The following CDH2 variants were observed in gnomAD, a reference collection of about 807,000 sequenced individuals.
CDH2 encodes the protein cadherin 2.
Under a neutral mutation model 92.0 loss-of-function variants are expected in CDH2, and 17 were observed. The observed-to-expected ratio is 0.18, with a 90% CI of 0.13 to 0.28. CDH2 has a LOEUF of 0.28. Among genes scored for constraint, CDH2 ranks in the 10% least tolerant of loss-of-function variants. The pLI is 1.00. For missense variants in CDH2, 862 were observed against 1,133.1 expected (o/e 0.76, Z 3.44); for synonymous variants, 419 against 415.9 (o/e 1.01, Z -0.09).
rs1664383685 is a variant in CDH2, at chr18:27,968,800, A to C, written c.2350-5279T>G. ...GACTGAGTGACTGAGAGAAATTAAA[A>C]TACTCACATGGAAGTAAATGGACAA... is the stretch of plus-strand genomic sequence containing the variant. On this transcript the variant is annotated intron_variant, in intron 14 of 15. Transcript: ENST00000269141. 2.0e-5 allele frequency among the ~76,000 whole-genome samples: 3 copies of C among 152,242 alleles called. No individual in the cohort carries two copies. In the South Asian group the frequency reaches 6.2e-4, roughly 31 times the overall value.
At chr18:28,056,357 G>T (rs1376403706) in intron 2 of CDH2, among the ~76,000 whole-genome samples, 1 of 152,198 alleles carries the variant, frequency 6.6e-6, no homozygotes, top group African/African-American at 2.4e-5. Context: ...AGGTTTTCTT[G>T]AAGTATTTAT....
intron 2 of CDH2, among the ~76,000 whole-genome samples, chr18:28,065,455 C>A (rs1567984736): frequency 6.6e-6 from 1 of 152,158 alleles, no homozygotes; most frequent in Non-Finnish European, 1.5e-5. Context: ...TCTATAGCAA[C>A]TGTAATAAAA....
chr18:27,966,052 A>AAAAAT lies in CDH2; in HGVS notation c.2350-2536_2350-2532dup, dbSNP rs1489398211. 2.6e-5 allele frequency among the ~76,000 whole-genome samples: 4 copies of AAAAAT among 151,952 alleles called. No individual in the cohort carries two copies. The South Asian group carries it at 8.3e-4, about 32-fold the overall frequency. On this transcript the variant is annotated intron_variant, in intron 14 of 15. Transcript: ENST00000269141. Reference sequence around the variant, plus strand: ...GAGAAATTTTAATGCTTTCACACTAAAAAATAAAATATGTTTTTTCCAGGC... The same window carrying AAAAAT: ...GAGAAATTTTAATGCTTTCACACTAAAAAATAAAATAAAATATGTTTTTTCCAGGC...
At chr18:28,035,831 G>A (rs977597688) in intron 2 of CDH2, among the ~76,000 whole-genome samples, 4 of 152,006 alleles carry the variant, frequency 2.6e-5, no homozygotes, top group East Asian at 1.9e-4. Context: ...CACTGTGAGC[G>A]AGTTGAAAAT....
intron 2 of CDH2, among the ~76,000 whole-genome samples, chr18:28,052,959 T>TG (rs1175951730): frequency 3.3e-5 from 5 of 152,154 alleles, no homozygotes; most frequent in East Asian, 1.9e-4. Context: ...TGAGGTCGTA[T>TG]GGGGGGGTCC....
intron 15 of CDH2, among the ~76,000 whole-genome samples, chr18:27,953,492 C>T (rs946020735): frequency 2.0e-5 from 3 of 152,140 alleles, no homozygotes; most frequent in Admixed American, 1.3e-4. Flanking sequence ...GCTTATATGG[C>T]CTCACCTATC....
intron 15 of CDH2, among the ~76,000 whole-genome samples, chr18:27,957,295 CTG>C (rs1190487857): frequency 1.3e-5 from 2 of 152,064 alleles, no homozygotes; most frequent in Admixed American, 1.3e-4. Context: ...GTACTCCAGA[CTG>C]TAGTGCAGTG....
intron 2 of CDH2, among the ~76,000 whole-genome samples, chr18:28,140,331 C>T (rs2015931771): frequency 6.6e-6 from 1 of 151,876 alleles, no homozygotes; most frequent in Admixed American, 6.6e-5. Context: ...AAATTAAAAA[C>T]ATTTGTGCAT....
intron 15 of CDH2, among the ~76,000 whole-genome samples, chr18:27,956,832 A>G (rs904867089): frequency 3.3e-5 from 5 of 152,206 alleles, no homozygotes; most frequent in Non-Finnish European, 5.9e-5. Context: ...ACAGTTTAAG[A>G]AAATAACAAG....
At chr18:28,094,963 T>C (rs1282221880) in intron 2 of CDH2, among the ~76,000 whole-genome samples, 1 of 152,180 alleles carries the variant, frequency 6.6e-6, no homozygotes, top group Non-Finnish European at 1.5e-5. Flanking sequence ...ATTTATAACA[T>C]GTTATATGAC....
chr18:28,141,893 T>C (rs1411370433), intron 2 of CDH2, among the ~76,000 whole-genome samples: 3 of 151,970 alleles, frequency 2.0e-5, no homozygotes, highest in Non-Finnish European at 2.9e-5. Context: ...TGTAAGGCCC[T>C]TGAACCATCA....
chr18:28,013,170 G>A lies in CDH2; in HGVS notation c.399+513C>T, dbSNP rs146851876. On this transcript the variant is annotated intron_variant, in intron 3 of 15. Transcript: ENST00000269141. ...AATGTACCTCATTTATTTTATCTTG[G>A]CTCACAGCAGCTTCCACCAGAGGGA... 3.6e-3 allele frequency among the ~76,000 whole-genome samples: 543 copies of A among 152,104 alleles called. 15 individuals carry two copies. Among genetic ancestry groups the A allele is most frequent in the African/African-American group, 0.012 (517 of 41,498 alleles).
intron 14 of CDH2, among the ~76,000 whole-genome samples, chr18:27,976,522 T>A (rs1340539465): frequency 1.3e-5 from 2 of 152,142 alleles, no homozygotes; most frequent in Non-Finnish European, 2.9e-5. Context: ...AACATGAGCT[T>A]TGTAAAGGAT....
At chr18:27,959,025 G>A (rs950843079) in intron 15 of CDH2, among the ~76,000 whole-genome samples, 1 of 152,036 alleles carries the variant, frequency 6.6e-6, no homozygotes, top group Non-Finnish European at 1.5e-5. Flanking sequence ...TTTCATAGCA[G>A]CGTGAAAACA....
chr18:28,082,476 A>G (rs2014849853), intron 2 of CDH2, among the ~76,000 whole-genome samples: 1 of 152,182 alleles, frequency 6.6e-6, no homozygotes, highest in African/African-American at 2.4e-5. Context: ...ACATCATAAC[A>G]AAGATTGGCC....
intron 2 of CDH2, among the ~76,000 whole-genome samples, chr18:28,020,050 C>A (rs572995851): frequency 6.6e-6 from 1 of 152,066 alleles, no homozygotes; most frequent in Non-Finnish European, 1.5e-5. Context: ...AAAAAGCTTT[C>A]AAATTTCAAT....
At chr18:28,133,767 T>A (rs1290791833) in intron 2 of CDH2, among the ~76,000 whole-genome samples, 2 of 151,996 alleles carry the variant, frequency 1.3e-5, no homozygotes, top group Admixed American at 1.3e-4. Context: ...TATTTTTATA[T>A]CTGTATTTGT....
intron 2 of CDH2, among the ~76,000 whole-genome samples, chr18:28,144,643 A>G (rs1322134864): frequency 1.3e-5 from 2 of 152,064 alleles, no homozygotes; most frequent in African/African-American, 2.4e-5. Flanking sequence ...ATTAGAAACA[A>G]CCTGTATGTT....
chr18:27,992,137 T>C (rs768364418), intron 9 of CDH2, among the ~76,000 whole-genome samples: 3 of 152,238 alleles, frequency 2.0e-5, no homozygotes, highest in Non-Finnish European at 4.4e-5. Context: ...ACTCATTACA[T>C]TTTTCTTCTA....
Sources: gnomAD v4.1 joint callset for allele counts (sites outside exome capture counted in the v4.1 genomes callset) on GRCh38, gnomAD v4.1.1 for gene constraint, MANE v1.5 for transcripts, NCBI Gene and HGNC (gene_info 2026-07-23, HGNC 2026-07-21) for gene names.